UBE2E2: variants seen among roughly 807,000 people sequenced by gnomAD.
UBE2E2 encodes the protein ubiquitin-conjugating enzyme E2 E2.
In UBE2E2, 6 loss-of-function variants were observed where a neutral mutation model predicts 24.7. The ratio of observed to expected loss-of-function variants is 0.24; its 90% CI spans 0.13 to 0.48. The LOEUF (loss-of-function observed/expected upper bound fraction) is 0.48. UBE2E2 is among the 20% of genes least tolerant of loss of function. The pLI, the probability that UBE2E2 is intolerant of heterozygous loss-of-function variation, is 0.99. For synonymous variants in UBE2E2, 104 were observed against 83.6 expected (o/e 1.24, Z -1.33); for missense variants, 169 against 245.0 (o/e 0.69, Z 2.07).
At chr3:23,363,098 T>C (rs1696163082) in intron 3 of UBE2E2, among the ~76,000 whole-genome samples, 1 of 152,228 alleles carries the variant, frequency 6.6e-6, no homozygotes, top group African/African-American at 2.4e-5. Context: ...AAGCAAATGC[T>C]AAGAGTATTT....
chr3:23,268,212 TAGGC>T (rs1698111625), intron 3 of UBE2E2, among the ~76,000 whole-genome samples: 1 of 148,506 alleles, frequency 6.7e-6, no homozygotes, highest in Admixed American at 6.7e-5. Context: ...CCAGGGCAAT[TAGGC>T]AGGAGAAGGA....
At chr3:23,363,502 C>T (rs1310509136) in intron 3 of UBE2E2, among the ~76,000 whole-genome samples, 2 of 152,194 alleles carry the variant, frequency 1.3e-5, no homozygotes, top group Admixed American at 1.3e-4. Flanking sequence ...TGGCATTCTA[C>T]TTTCTGACAA....
chr3:23,356,064 G>C (rs1410315930), intron 3 of UBE2E2, among the ~76,000 whole-genome samples: 1 of 152,136 alleles, frequency 6.6e-6, no homozygotes, highest in Non-Finnish European at 1.5e-5. Context: ...AGCTGGGCTT[G>C]GAAAAAGAAG....
rs546697557 is a variant in UBE2E2, at chr3:23,474,850, A to G, written c.228-24758A>G. On this transcript the variant is annotated intron_variant, in intron 3 of 5. Transcript: ENST00000396703. The surrounding 1 kb of genome is among the most constrained non-coding windows in gnomAD (Gnocchi z 4.0). ...GCCCCGCCCTTCTTATCCCCCATTC[A>G]CATTCCTCTCTAGCTTTTCACATCC... is the stretch of plus-strand genomic sequence containing the variant. Among the ~76,000 whole-genome samples, 9 of 151,750 alleles carry G rather than the reference A, an allele frequency of 5.9e-5. No individual in the cohort carries two copies. The highest frequency in any genetic ancestry group is 2.2e-4 in the African/African-American group (9 of 41,268).
chr3:23,292,046 G>C (rs555128105), intron 3 of UBE2E2, among the ~76,000 whole-genome samples: 1 of 152,068 alleles, frequency 6.6e-6, no homozygotes, highest in African/African-American at 2.4e-5. Flanking sequence ...TTTTAGTAGA[G>C]ACGGGGTTTC....
chr3:23,328,646 C>T (rs551433239), intron 3 of UBE2E2, among the ~76,000 whole-genome samples: 3 of 148,106 alleles, frequency 2.0e-5, no homozygotes, highest in South Asian at 2.1e-4. Context: ...GCTAAAATGC[C>T]GTAATCTCTC....
intron 3 of UBE2E2, among the ~76,000 whole-genome samples, chr3:23,382,178 A>ATTTTTT (rs10645761): frequency 6.5e-4 from 72 of 110,794 alleles, no homozygotes; most frequent in Middle Eastern, 6.8e-3. Context: ...GAATACTTTA[A>ATTTTTT]TTTTTTTTTT....
chr3:23,259,533 G>A (rs1212538140), intron 3 of UBE2E2, among the ~76,000 whole-genome samples: 2 of 150,874 alleles, frequency 1.3e-5, no homozygotes, highest in Non-Finnish European at 2.9e-5. Flanking sequence ...ATATACCTGT[G>A]TAACAAACCT....
intron 2 of UBE2E2, among the ~76,000 whole-genome samples, chr3:23,209,937 G>C (rs1163160530): frequency 2.6e-5 from 4 of 152,064 alleles, no homozygotes. Flanking sequence ...AGAGAGCCCT[G>C]AACTTTAAAC....
chr3:23,345,778 G>A (rs1315824879), intron 3 of UBE2E2, among the ~76,000 whole-genome samples: 2 of 152,156 alleles, frequency 1.3e-5, no homozygotes, highest in African/African-American at 2.4e-5. Flanking sequence ...AGTCCTTGGA[G>A]AAATTGCTGC....
chr3:23,215,469 A>G (rs1696451099), intron 2 of UBE2E2, among the ~76,000 whole-genome samples: 1 of 152,004 alleles, frequency 6.6e-6, no homozygotes, highest in African/African-American at 2.4e-5. Context: ...CCAATGTCTG[A>G]TACTTAATTA....
At chr3:23,402,902 C>G (rs1697266499) in intron 3 of UBE2E2, among the ~76,000 whole-genome samples, 1 of 152,148 alleles carries the variant, frequency 6.6e-6, no homozygotes, top group Non-Finnish European at 1.5e-5. Flanking sequence ...TGAGTCCCAA[C>G]CAGAGTTTAA....
chr3:23,585,670 C>A (rs890622181), intron 5 of UBE2E2, among the ~76,000 whole-genome samples: 18 of 152,072 alleles, frequency 1.2e-4, no homozygotes, highest in African/African-American at 4.1e-4. Context: ...ATTTACTTAT[C>A]TACTGATAAA....
chr3:23,279,156 C>T (rs1698434143), intron 3 of UBE2E2, among the ~76,000 whole-genome samples: 1 of 152,034 alleles, frequency 6.6e-6, no homozygotes, highest in Non-Finnish European at 1.5e-5. Context: ...ATAATTGTAT[C>T]ATTCATTAAT....
In UBE2E2 at chr3:23,222,334, C is replaced by T. The variant is rs533070367; in HGVS notation, c.227+5022C>T. 7.0e-4 allele frequency among the ~76,000 whole-genome samples: 107 copies of T among 152,256 alleles called. 1 individual carries two copies. Among genetic ancestry groups the T allele is most frequent in the African/African-American group, 2.4e-3 (99 of 41,556 alleles). On this transcript the variant is annotated intron_variant, in intron 3 of 5. Coordinates refer to ENST00000396703, the MANE Select transcript of UBE2E2 (RefSeq NM_152653.4). ...TGGAGGTGCAGATATCTCTTTGATA[C>T]ATTAATCTCCTTTCTTTTTGATATA...
At chr3:23,361,961 G>A (rs955171223) in intron 3 of UBE2E2, among the ~76,000 whole-genome samples, 2 of 152,128 alleles carry the variant, frequency 1.3e-5, no homozygotes, top group Non-Finnish European at 2.9e-5. Context: ...AGTTTTAATT[G>A]TATACATACT....
chr3:23,326,012 C>T (rs751955591), intron 3 of UBE2E2, among the ~76,000 whole-genome samples: 15 of 152,162 alleles, frequency 9.9e-5, no homozygotes, highest in Non-Finnish European at 2.1e-4. Flanking sequence ...TGGAGACTCC[C>T]AAATATAATT....
At chr3:23,561,893 G>A (rs1051996703) in intron 5 of UBE2E2, among the ~76,000 whole-genome samples, 18 of 152,134 alleles carry the variant, frequency 1.2e-4, no homozygotes, top group Admixed American at 3.3e-4. Context: ...GTATAAGAAT[G>A]CTTGTGATTT....
chr3:23,385,883 A>G (rs1399822693), intron 3 of UBE2E2, among the ~76,000 whole-genome samples: 1 of 152,236 alleles, frequency 6.6e-6, no homozygotes, highest in Non-Finnish European at 1.5e-5. Flanking sequence ...AGCCTGATAC[A>G]TAAGTGGTAG....
Sources: gnomAD v4.1 joint callset for allele counts (sites outside exome capture counted in the v4.1 genomes callset) on GRCh38, gnomAD v4.1.1 for gene constraint, Gnocchi (gnomAD v3.1) non-coding constraint, MANE v1.5 for transcripts, NCBI Gene and HGNC (gene_info 2026-07-23, HGNC 2026-07-21) for gene names.